Variants in TTC7A observed in about 807,000 individuals in gnomAD.
The protein encoded by TTC7A is tetratricopeptide repeat protein 7A.
In TTC7A, 110 loss-of-function variants were observed where a neutral mutation model predicts 103.7. The observed-to-expected ratio is 1.06, with a 90% CI of 0.91 to 1.24. TTC7A has a LOEUF of 1.24. TTC7A is among the 50% of genes most tolerant of loss of function. The pLI is 0.00. For synonymous variants in TTC7A, 521 were observed against 467.9 expected (o/e 1.11, Z -1.47); for missense variants, 1,340 against 1,116.3 (o/e 1.20, Z -2.86).
At chr2:47,031,966 C>T (rs1431495941) in intron 15 of TTC7A, among the ~76,000 whole-genome samples, 1 of 152,318 alleles carries the variant, frequency 6.6e-6, no homozygotes, top group East Asian at 1.9e-4. Flanking sequence ...TTCATCTTCC[C>T]AGGCTCTTGG....
At chr2:46,955,659 T>G (rs1312356792) in intron 2 of TTC7A, among the ~76,000 whole-genome samples, 1 of 152,174 alleles carries the variant, frequency 6.6e-6, no homozygotes, top group Non-Finnish European at 1.5e-5. Flanking sequence ...TGAATTTGGC[T>G]TCCCCAGAGC....
chr2:46,971,295 AGAG>A (rs1246471016), intron 3 of TTC7A, among the ~76,000 whole-genome samples: 1 of 152,216 alleles, frequency 6.6e-6, no homozygotes, highest in African/African-American at 2.4e-5. Flanking sequence ...AGGGCTTTGT[AGAG>A]GAGGTGGCAT....
At chr2:47,008,581 G>A (rs762623353) in intron 10 of TTC7A, among the ~76,000 whole-genome samples, 1 of 152,216 alleles carries the variant, frequency 6.6e-6, no homozygotes, top group Non-Finnish European at 1.5e-5. Flanking sequence ...TTCATGGGCT[G>A]GAGACACTGT....
rs370869565 is a variant in TTC7A, at chr2:46,927,518, G to A, written c.82+10241G>A. Reference sequence around the variant, plus strand: ...ACTACAGGCATCCGCCACCACGCCCGGCTAATTTTGTTTTTGTGTTTTTAG... The same window carrying A: ...ACTACAGGCATCCGCCACCACGCCCAGCTAATTTTGTTTTTGTGTTTTTAG... On this transcript the variant is annotated intron_variant, in intron 2 of 20. Transcript: ENST00000409245. Among the ~76,000 whole-genome samples the A allele has an allele frequency of 5.4e-4, 82 of 151,846 alleles. No individual in the cohort carries two copies. The East Asian group carries it at 0.012, about 22-fold the overall frequency.
chr2:47,056,973 G>C (rs1683376749), intron 18 of TTC7A, among the ~76,000 whole-genome samples: 1 of 152,202 alleles, frequency 6.6e-6, no homozygotes, highest in South Asian at 2.1e-4. Flanking sequence ...AGGAAAATGT[G>C]GTGCCCTGGC....
At chr2:46,942,716 C>T (rs1670546319) in intron 1 of TTC7A, among the ~76,000 whole-genome samples, 1 of 152,154 alleles carries the variant, frequency 6.6e-6, no homozygotes, top group Admixed American at 6.5e-5. Flanking sequence ...AGTTGTGGAA[C>T]CAGGATTTGT....
intron 8 of TTC7A, among the ~76,000 whole-genome samples, chr2:46,996,561 G>A (rs1332387431): frequency 1.3e-5 from 2 of 152,216 alleles, no homozygotes; most frequent in Non-Finnish European, 2.9e-5. Flanking sequence ...TGGGGCAGAG[G>A]GATTGCATCC....
rs746661224 is a variant in TTC7A, at chr2:47,023,400, C to G, written c.1511-8C>G. Reference sequence around the variant, plus strand: ...CTGATGGCTCAGTTTCTGTCCTGTCCCCTGCAGCCACCCTGAAGTCCAAGC... The same window carrying G: ...CTGATGGCTCAGTTTCTGTCCTGTCGCCTGCAGCCACCCTGAAGTCCAAGC... On this transcript the variant is annotated splice_region_variant and splice_polypyrimidine_tract_variant and intron_variant, in intron 12 of 19. Coordinates refer to ENST00000319190, the MANE Select transcript of TTC7A (RefSeq NM_020458.4). 1.9e-6 allele frequency: 3 copies of G among 1,613,910 alleles called. No homozygotes were observed. Among genetic ancestry groups the G allele is most frequent in the East Asian group, 2.2e-5 (1 of 44,882 alleles).
chr2:47,060,822 G>C lies in TTC7A; in HGVS notation c.2206G>C (p.Glu736Gln). The C allele has an allele frequency of 6.2e-7, 1 of 1,613,516 alleles. No homozygotes were observed. Among genetic ancestry groups the C allele is most frequent in the Non-Finnish European group, 8.5e-7 (1 of 1,179,504 alleles). ...HLKEAGFCIQEAAGLFPTSHS... is the reference protein window; with the variant it reads ...HLKEAGFCIQQAAGLFPTSHS... ...CAAGGAAGCAGGTTTCTGCATCCAGGAGGCGGCGGGCCTCTTCCCCACTTC... is the reference window on the plus strand; with the variant it reads ...CAAGGAAGCAGGTTTCTGCATCCAGCAGGCGGCGGGCCTCTTCCCCACTTC... The change falls in exon 19 of 20, where the codon GAG becomes CAG. Residue 736 changes from glutamate (E) to glutamine (Q), a missense_variant. Coordinates refer to ENST00000319190, the MANE Select transcript of TTC7A (RefSeq NM_020458.4).
chr2:46,968,484 A>G (rs1673052677), intron 3 of TTC7A, among the ~76,000 whole-genome samples: 1 of 152,202 alleles, frequency 6.6e-6, no homozygotes, highest in African/African-American at 2.4e-5. Flanking sequence ...GCTTCCAGTC[A>G]GATGTTTGTG....
intron 15 of TTC7A, among the ~76,000 whole-genome samples, chr2:47,042,295 A>G (rs1681836358): frequency 6.6e-6 from 1 of 152,144 alleles, no homozygotes; most frequent in Admixed American, 6.5e-5. Context: ...TGAGCCCAGG[A>G]GTTTGAGACC....
chr2:46,958,467 C>A lies in TTC7A; in HGVS notation c.517+1460C>A, dbSNP rs1558508681. The A allele has an allele frequency of 3.8e-6, 5 of 1,303,560 alleles. No homozygotes were observed. The South Asian group carries it at 6.2e-5, about 16-fold the overall frequency. The allele number at this position is 1,303,560 out of a possible 1,614,324, so 80.7% of individuals were successfully genotyped here. On this transcript the variant is annotated intron_variant, in intron 3 of 19. Transcript: ENST00000319190. ...GAGCCTGGCTCAGGATGGATTGCCCCCTGTCTCCTGCTCTCTCCTCTTTCC... is the reference window on the plus strand; with the variant it reads ...GAGCCTGGCTCAGGATGGATTGCCCACTGTCTCCTGCTCTCTCCTCTTTCC...
intron 2 of TTC7A, 110 bp downstream of exon 2, chr2:46,950,636 C>A: frequency 1.6e-6 from 2 of 1,253,752 alleles, no homozygotes; most frequent in East Asian, 2.5e-5. Context: ...GTCTCTCTTA[C>A]AAGCTGCCCT....
chr2:46,976,845 A>G (rs1257507406), intron 4 of TTC7A, among the ~76,000 whole-genome samples: 2 of 152,142 alleles, frequency 1.3e-5, no homozygotes, highest in African/African-American at 4.8e-5. Flanking sequence ...GCTCTAGAAG[A>G]TGTCTGCTTG....
At chr2:47,027,282 C>T (rs975250326) in intron 14 of TTC7A, among the ~76,000 whole-genome samples, 6 of 152,136 alleles carry the variant, frequency 3.9e-5, no homozygotes, top group Non-Finnish European at 7.4e-5. Context: ...CCCTGCCGTG[C>T]GCCTGGACCC....
chr2:47,025,455 CG>C (rs1679794935), intron 14 of TTC7A, among the ~76,000 whole-genome samples: 1 of 152,150 alleles, frequency 6.6e-6, no homozygotes, highest in South Asian at 2.1e-4. Context: ...GTCACTTCGG[CG>C]GGCTGCATTT....
chr2:47,013,145 G>T (rs1357003609), intron 11 of TTC7A, among the ~76,000 whole-genome samples: 1 of 152,176 alleles, frequency 6.6e-6, no homozygotes, highest in South Asian at 2.1e-4. Flanking sequence ...GACGGGTCAG[G>T]GAGGCATCAT....
rs189866620 is a variant in TTC7A at position 46,998,448 on chromosome 2, C to G, written c.1065+3249C>G. 1.1e-4 allele frequency among the ~76,000 whole-genome samples: 17 copies of G among 152,226 alleles called. No homozygotes were observed. In the East Asian group the frequency reaches 3.3e-3, roughly 29 times the overall value. ...GGACTAGGGTATGGGTTCCACTCTA[C>G]CAGCCTCCCAAGCTCCTGCCCTGAT... is the stretch of plus-strand genomic sequence containing the variant. On this transcript the variant is annotated intron_variant, in intron 8 of 19. Coordinates refer to ENST00000319190, the MANE Select transcript of TTC7A (RefSeq NM_020458.4).
rs1317841422 is a variant in TTC7A at position 46,975,894 on chromosome 2, G to A, written c.648+791G>A. Among the ~76,000 whole-genome samples, 4 of 152,182 alleles carry A rather than the reference G, an allele frequency of 2.6e-5. No individual in the cohort carries two copies. The East Asian group carries it at 7.7e-4, about 29-fold the overall frequency. Reference sequence around the variant, plus strand: ...TGGGACTACAGGCGCCTGCCACCGTGCCCTTCTAATTTTTGTATTTTTAGT... The same window carrying A: ...TGGGACTACAGGCGCCTGCCACCGTACCCTTCTAATTTTTGTATTTTTAGT... On this transcript the variant is annotated intron_variant, in intron 4 of 19. Coordinates refer to ENST00000319190, the MANE Select transcript of TTC7A (RefSeq NM_020458.4).
Sources: gnomAD v4.1 joint callset for allele counts (sites outside exome capture counted in the v4.1 genomes callset) on GRCh38, gnomAD v4.1.1 for gene constraint, MANE v1.5 for transcripts, NCBI Gene and HGNC (gene_info 2026-07-23, HGNC 2026-07-21) for gene names.